The following CEP76 variants were observed in gnomAD, a reference collection of about 807,000 sequenced individuals.
CEP76 encodes centrosomal protein 76, also known as centrosomal protein of 76 kDa.
A neutral mutation model predicts 83.3 loss-of-function variants in CEP76; 55 were observed. The ratio of observed to expected loss-of-function variants is 0.66; its 90% CI spans 0.53 to 0.83. CEP76 has a LOEUF of 0.83. Ranked by LOEUF, CEP76 falls within the 40% of genes least tolerant of loss-of-function variation. The pLI, the probability that CEP76 is intolerant of heterozygous loss-of-function variation, is 0.00. For synonymous variants in CEP76, 270 were observed against 274.5 expected (o/e 0.98, Z 0.16); for missense variants, 694 against 799.5 (o/e 0.87, Z 1.59).
chr18:12,702,630 A>C lies in CEP76; in HGVS notation c.-82T>G. 6.8e-7 allele frequency: 1 copy of C among 1,466,476 alleles called. No individual in the cohort carries two copies. 90.8% of individuals were successfully genotyped at this position (1,466,476 alleles called of 1,614,324 possible). ...GGCCCCGGCCGGGCCAGGGAGCGTTAGGAGCGACTGGAGCACAAAGCGCCG... is the reference window on the plus strand; with the variant it reads ...GGCCCCGGCCGGGCCAGGGAGCGTTCGGAGCGACTGGAGCACAAAGCGCCG... On this transcript the variant is annotated 5_prime_UTR_variant, in exon 1 of 12. Coordinates refer to ENST00000262127, the MANE Select transcript of CEP76 (RefSeq NM_024899.4).
At chr18:12,662,691 C>T (rs909870277) in intron 12 of CEP76, among the ~76,000 whole-genome samples, 21 of 152,306 alleles carry the variant, frequency 1.4e-4, no homozygotes, top group African/African-American at 4.3e-4. Flanking sequence ...GCACAAGAAT[C>T]GCTTGAGCCC....
At chr18:12,668,195 G>A (rs2038843888), downstream of CEP76, among the ~76,000 whole-genome samples, 1 of 152,062 alleles carries the variant, frequency 6.6e-6, no homozygotes, top group Non-Finnish European at 1.5e-5. Context: ...AACCTGGGAG[G>A]TGGAGGTTGC....
chr18:12,671,711 C>G (rs369884837), downstream of CEP76, among the ~76,000 whole-genome samples: 44 of 141,970 alleles, frequency 3.1e-4, no homozygotes, highest in African/African-American at 1.1e-3. Flanking sequence ...TGCAGTGACG[C>G]GATCTTAGCT....
At chr18:12,688,822 A>T (rs1440911308) in intron 7 of CEP76, among the ~76,000 whole-genome samples, 1 of 152,152 alleles carries the variant, frequency 6.6e-6, no homozygotes, top group Non-Finnish European at 1.5e-5. Flanking sequence ...CCATCATTGC[A>T]AAAAGTTCTT....
downstream of CEP76, among the ~76,000 whole-genome samples, chr18:12,668,734 C>CTTTTTTTTTTTT (rs543253434): frequency 1.0e-5 from 1 of 96,644 alleles, no homozygotes; most frequent in African/African-American, 3.9e-5. Flanking sequence ...CACTTTATTC[C>CTTTTTTTTTTTT]TTTTTTTTTT....
Position 12,674,686 on chromosome 18 carries a change from T to C in CEP76, c.1691A>G (p.Tyr564Cys). The C allele has an allele frequency of 6.2e-7, 1 of 1,614,084 alleles. No individual in the cohort carries two copies. Among genetic ancestry groups the C allele is most frequent in the Non-Finnish European group, 8.5e-7 (1 of 1,180,022 alleles). ...SYLLSPALASYEFERTTSISA... is the reference protein window; with the variant it reads ...SYLLSPALASCEFERTTSISA... ...TATACTTGTTGTACGCTCAAATTCA[T>C]AAGAAGCCAAAGCTGGTGATAAAAG... The change falls in exon 11 of 12, where the codon TAT becomes TGT. Residue 564 changes from tyrosine to cysteine, a missense_variant. By Grantham distance (194) the Tyr-to-Cys change is radical. Transcript: ENST00000262127.
downstream of CEP76, among the ~76,000 whole-genome samples, chr18:12,671,638 C>CTTTTTTTTT (rs955356870): frequency 1.2e-5 from 1 of 82,930 alleles, no homozygotes; most frequent in Non-Finnish European, 2.7e-5. Context: ...AGGTTTCACA[C>CTTTTTTTTT]TTTCTTTTTT....
intron 10 of CEP76, among the ~76,000 whole-genome samples, chr18:12,677,566 A>G (rs2039187462): frequency 6.6e-6 from 1 of 152,124 alleles, no homozygotes; most frequent in Admixed American, 6.6e-5. Context: ...GAAAACAAAC[A>G]GAAACCAACC....
Position 12,678,392 on chromosome 18 carries a change from G to C in CEP76, c.1340C>G (p.Pro447Arg). 1.2e-6 allele frequency: 2 copies of C among 1,613,986 alleles called. No homozygotes were observed. The highest frequency in any genetic ancestry group is 1.7e-6 in the Non-Finnish European group (2 of 1,179,974). The change falls in exon 10 of 12, where the codon CCC (proline) becomes CGC (arginine). Residue 447 changes from proline to arginine, a missense_variant. Physicochemically the swap from Pro to Arg is moderately radical, Grantham distance 103. Transcript: ENST00000262127. ...NPDEPPVAEQ[P>R]KPLYPYRTIG... ...TGTTCGATATGGGTACAGTGGTTTGGGCTGTTCAGCAACTGGAGGTTCATC... is the reference window on the plus strand; with the variant it reads ...TGTTCGATATGGGTACAGTGGTTTGCGCTGTTCAGCAACTGGAGGTTCATC...
chr18:12,685,160 C>G (rs1763891819), intron 8 of CEP76: 1 of 152,038 alleles, frequency 6.6e-6, no homozygotes, highest in African/African-American at 2.4e-5. Context: ...GCCACCACAC[C>G]ACGCTAATTT....
At position 12,672,828 on chromosome 18, in the gene CEP76, T is replaced by C. The variant is rs1480090126; in HGVS notation, c.*537A>G. The C allele has an allele frequency of 2.8e-5, 28 of 984,728 alleles. No individual in the cohort carries two copies. The highest frequency in any genetic ancestry group is 3.4e-5 in the Non-Finnish European group (28 of 829,276). 61.0% of individuals were successfully genotyped at this position (984,728 alleles called of 1,614,324 possible). On this transcript the variant is annotated 3_prime_UTR_variant, in exon 12 of 12. Coordinates refer to ENST00000262127, the MANE Select transcript of CEP76 (RefSeq NM_024899.4). ...CTACTCTTGCTTCAAGGTCCAACCA[T>C]AAATTTCTGGACAGTCTCAAATATC...
chr18:12,691,677 T>G (rs2039768427), intron 6 of CEP76, among the ~76,000 whole-genome samples, 190 bp from the exon 7 acceptor site: 1 of 151,696 alleles, frequency 6.6e-6, no homozygotes, highest in South Asian at 2.1e-4. Flanking sequence ...CATACAATAA[T>G]CATAAGTCAC....
chr18:12,681,198 C>CAA (rs35644207), intron 8 of CEP76, among the ~76,000 whole-genome samples: 83 of 82,930 alleles, frequency 1.0e-3, no homozygotes, highest in African/African-American at 3.1e-3. Context: ...ACTCTGTTTC[C>CAA]AAAAAAAAAA....
chr18:12,671,446 TAAA>T (rs1358704902), downstream of CEP76, among the ~76,000 whole-genome samples: 1 of 151,652 alleles, frequency 6.6e-6, no homozygotes, highest in South Asian at 2.1e-4. Context: ...TTTGAAAAAA[TAAA>T]AAACTTAAAA....
downstream of CEP76, chr18:12,671,193 C>T (rs1329717806): frequency 6.6e-6 from 1 of 152,058 alleles, no homozygotes; most frequent in Non-Finnish European, 1.5e-5. Context: ...ATCCTCTGGC[C>T]GCAGCCTCCA....
chr18:12,699,657 A>G (rs933492485), intron 3 of CEP76, among the ~76,000 whole-genome samples, 173 bp downstream of exon 3: 8 of 152,214 alleles, frequency 5.3e-5, no homozygotes, highest in Non-Finnish European at 1.2e-4. Flanking sequence ...CGTGCTATAC[A>G]TTAACTCTTC....
downstream of CEP76, among the ~76,000 whole-genome samples, chr18:12,672,136 A>C (rs2038964455): frequency 7.2e-6 from 1 of 138,194 alleles, no homozygotes. Context: ...TTTTTCTGAG[A>C]TGCAGTCTCG....
At chr18:12,701,845 T>TCGTG (rs1555648402) in intron 1 of CEP76, among the ~76,000 whole-genome samples, 1 of 152,214 alleles carries the variant, frequency 6.6e-6, no homozygotes, top group Non-Finnish European at 1.5e-5. Flanking sequence ...GAAACCCTGA[T>TCGTG]ATCTGCCGGG....
At chr18:12,686,724 C>A in intron 7 of CEP76, 1 of 267,784 alleles carries the variant, frequency 3.7e-6, no homozygotes. Context: ...AAGGCTGTGG[C>A]AATAAGAACT....
Sources: allele counts gnomAD v4.1 joint callset (sites outside exome capture counted in the v4.1 genomes callset), GRCh38; gene constraint gnomAD v4.1.1; transcripts MANE v1.5; gene names NCBI Gene and HGNC (gene_info 2026-07-23, HGNC 2026-07-21).